The following ART4 variants were observed in gnomAD, a reference collection of about 807,000 sequenced individuals.
ART4 encodes ADP-ribosyltransferase 4 (inactive) (Dombrock blood group).
ART4 carries 14 observed loss-of-function variants against 24.2 expected under a neutral mutation model. The observed-to-expected ratio is 0.58, with a 90% CI of 0.38 to 0.90. The LOEUF (loss-of-function observed/expected upper bound fraction) is 0.90. Ranked by LOEUF, ART4 falls within the 40% of genes least tolerant of loss-of-function variation. ART4 has a pLI of 0.00. For missense variants in ART4, 356 were observed against 366.6 expected, an observed-to-expected ratio of 0.97 and a Z score of 0.24; for synonymous variants, 145 against 139.9, an observed-to-expected ratio of 1.04 and a Z score of -0.26.
At position 14,826,260 on chromosome 12, in the gene ART4, A is replaced by T. The variant is rs1404748453; in HGVS notation, c.*3111T>A. On this transcript the variant is annotated 3_prime_UTR_variant, in exon 3 of 3. Coordinates refer to ENST00000228936, the MANE Select transcript of ART4 (RefSeq NM_021071.4). ...GCTATGTACATTTATCCTTAACCAAACTCATGAATCTACATAATTTTAAGA... is the reference window on the plus strand; with the variant it reads ...GCTATGTACATTTATCCTTAACCAATCTCATGAATCTACATAATTTTAAGA... The T allele has an allele frequency of 6.6e-6, 1 of 152,180 alleles. No individual in the cohort carries two copies. The highest frequency in any genetic ancestry group is 1.9e-4 in the East Asian group (1 of 5,200). The allele number at this position is 152,180 out of a possible 1,614,324, so 9.4% of individuals were successfully genotyped here. A position where few individuals can be genotyped will look rare whatever the true frequency, so the allele number is the denominator to read the frequency against.
At chr12:14,838,385 T>G (rs1950444257) in intron 2 of ART4, among the ~76,000 whole-genome samples, 1 of 152,196 alleles carries the variant, frequency 6.6e-6, no homozygotes, top group Non-Finnish European at 1.5e-5. Context: ...TTACTGTGCT[T>G]ACTATCCTAG....
Position 14,829,449 on chromosome 12 carries a change from T to C in ART4, c.867A>G (p.Lys289=). Residue 289 remains lysine (K), a synonymous_variant, in exon 3 of 3, where the codon AAA becomes AAG. Coordinates refer to ENST00000228936, the MANE Select transcript of ART4 (RefSeq NM_021071.4). Reference sequence around the variant, plus strand: ...CAATAGCTATAGGATCAGGGATGCATTTCTTGCTGGAAGCTGTAAAAAACA... The same window carrying C: ...CAATAGCTATAGGATCAGGGATGCACTTCTTGCTGGAAGCTGTAAAAAACA... The part of the protein sequence containing the change: ...NCQLLKASSK[K]CIPDPIAIAS... 1.9e-6 allele frequency: 3 copies of C among 1,607,092 alleles called. No homozygotes were observed. The highest frequency in any genetic ancestry group is 2.5e-6 in the Non-Finnish European group (3 of 1,177,988).
rs1950462256 is a variant in ART4, at chr12:14,840,637, C to T, written c.661G>A (p.Gly221Arg). The change falls in exon 2 of 3, where the codon GGG (glycine) becomes AGG (arginine). Residue 221 changes from glycine (G) to arginine (R), a missense_variant. Transcript: ENST00000228936. ...SLLKEEAQEF[G>R]NQTLFTIFTC... Reference sequence around the variant, plus strand: ...AATATGGTAAATAGTGTCTGGTTCCCAAACTCCTGTGCCTCTTCTTTCAGG... The same window carrying T: ...AATATGGTAAATAGTGTCTGGTTCCTAAACTCCTGTGCCTCTTCTTTCAGG... 1.9e-6 allele frequency: 3 copies of T among 1,613,974 alleles called. No homozygotes were observed. Among genetic ancestry groups the T allele is most frequent in the East Asian group, 4.5e-5 (2 of 44,882 alleles).
Position 14,836,076 on chromosome 12 carries a change from C to CAT in ART4, c.853+4367_853+4368dup, listed in dbSNP as rs149334373. 1.2e-3 allele frequency among the ~76,000 whole-genome samples: 175 copies of CAT among 150,790 alleles called. 2 individuals are homozygous for CAT. Among genetic ancestry groups the CAT allele is most frequent in the South Asian group, 6.3e-3 (30 of 4,766 alleles). ...TTTCATATGTGTATGTATGTATATACATATATATATATATCATCAATGATA... is the reference window on the plus strand; with the variant it reads ...TTTCATATGTGTATGTATGTATATACATATATATATATATATCATCAATGATA... On this transcript the variant is annotated intron_variant, in intron 2 of 2. Transcript: ENST00000228936.
chr12:14,837,650 A>G (rs2137302283), intron 2 of ART4, among the ~76,000 whole-genome samples: 1 of 152,200 alleles, frequency 6.6e-6, no homozygotes, highest in East Asian at 1.9e-4. Context: ...AGTAGCTGGG[A>G]CTGCATGTAT....
intron 2 of ART4, among the ~76,000 whole-genome samples, chr12:14,833,010 T>A (rs1420065519): frequency 2.0e-5 from 3 of 152,170 alleles, no homozygotes; most frequent in Non-Finnish European, 4.4e-5. Flanking sequence ...ACCTCACATT[T>A]TTTTTACTTT....
chr12:14,829,364 G>A lies in ART4; in HGVS notation c.*7C>T. The A allele has an allele frequency of 6.6e-7, 1 of 1,525,654 alleles. No homozygotes were observed. Among genetic ancestry groups the A allele is most frequent in the East Asian group, 2.3e-5 (1 of 42,884 alleles). The allele number at this position is 1,525,654 out of a possible 1,614,324, so 94.5% of individuals were successfully genotyped here. The stretch of plus-strand genomic sequence containing the variant: ...TTTTTTTAAATAAAAGGAGCCACAA[G>A]ATTTCTTTATACTCTGCTTTTGGAA... On this transcript the variant is annotated 3_prime_UTR_variant, in exon 3 of 3. Coordinates refer to ENST00000228936, the MANE Select transcript of ART4 (RefSeq NM_021071.4).
rs988505890 is a variant in ART4 at position 14,825,860 on chromosome 12, T to A, written c.*3511A>T. ...AACACCTTGTTATAAAAATAAAGTA[T>A]TACATGGGTTGAGTGTTTTTACTTT... On this transcript the variant is annotated 3_prime_UTR_variant, in exon 3 of 3. Transcript: ENST00000228936. 6.6e-6 allele frequency: 1 copy of A among 152,212 alleles called. No homozygotes were observed. Among genetic ancestry groups the A allele is most frequent in the Non-Finnish European group, 1.5e-5 (1 of 68,032 alleles). 9.4% of individuals were successfully genotyped at this position (152,212 alleles called of 1,614,324 possible). A position where few individuals can be genotyped will look rare whatever the true frequency, so the allele number is the denominator to read the frequency against.
Position 14,829,447 on chromosome 12 carries a change from C to T in ART4, c.869G>A (p.Cys290Tyr). Residue 290 changes from cysteine to tyrosine, a missense_variant, in exon 3 of 3, where the codon TGC (cysteine) becomes TAC (tyrosine). By Grantham distance (194) the Cys-to-Tyr change is radical. Transcript: ENST00000228936. ...TGCAATAGCTATAGGATCAGGGATG[C>T]ATTTCTTGCTGGAAGCTGTAAAAAA... Reference protein sequence around the residue: ...CQLLKASSKKCIPDPIAIASL... With the variant: ...CQLLKASSKKYIPDPIAIASL... 1 of 1,606,516 alleles carries T rather than the reference C, an allele frequency of 6.2e-7. No homozygotes were observed. Among genetic ancestry groups the T allele is most frequent in the Non-Finnish European group, 8.5e-7 (1 of 1,177,776 alleles).
chr12:14,834,142 T>C (rs562367407), intron 2 of ART4, among the ~76,000 whole-genome samples: 2 of 152,276 alleles, frequency 1.3e-5, no homozygotes, highest in Admixed American at 1.3e-4. Flanking sequence ...TTGCACAAGG[T>C]CACCTAGCTA....
At chr12:14,834,710 C>T (rs541521058) in intron 2 of ART4, among the ~76,000 whole-genome samples, 1 of 152,274 alleles carries the variant, frequency 6.6e-6, no homozygotes, top group African/African-American at 2.4e-5. Flanking sequence ...GGGCAAATAA[C>T]TAACATTCTG....
rs1042910648 is a variant in ART4, at chr12:14,828,321, A to T, written c.*1050T>A. On this transcript the variant is annotated 3_prime_UTR_variant, in exon 3 of 3. Coordinates refer to ENST00000228936, the MANE Select transcript of ART4 (RefSeq NM_021071.4). ...GCCATCAAGTTCTCTATGAATTAAC[A>T]TATGAGTTTAAATTTTAACTTTTGT... 6.6e-6 allele frequency: 1 copy of T among 152,248 alleles called. No individual in the cohort carries two copies. Among genetic ancestry groups the T allele is most frequent in the Non-Finnish European group, 1.5e-5 (1 of 68,036 alleles). 9.4% of individuals were successfully genotyped at this position (152,248 alleles called of 1,614,324 possible).
At chr12:14,837,762 A>G (rs10772810) in intron 2 of ART4, among the ~76,000 whole-genome samples, 51,679 of 151,922 alleles carry the variant, frequency 0.34, 9,331 homozygotes, top group Middle Eastern at 0.39. Context: ...TGATCCACCC[A>G]CCTCGGCCTC....
rs371358975 is a variant in ART4 at position 14,840,434 on chromosome 12, A to G, written c.853+11T>C. ...GTGATCCTGAGTGGCCTCAATTTAG[A>G]TAAAGAATACCTTTTAGCAGCTGAC... On this transcript the variant is annotated intron_variant, in intron 2 of 2. Coordinates refer to ENST00000228936, the MANE Select transcript of ART4 (RefSeq NM_021071.4). 20 of 1,582,038 alleles carry G rather than the reference A, an allele frequency of 1.3e-5. No individual in the cohort carries two copies. The East Asian group carries it at 2.2e-4, about 18-fold the overall frequency.
chr12:14,830,154 G>T (rs1950385008), intron 2 of ART4, among the ~76,000 whole-genome samples: 2 of 146,518 alleles, frequency 1.4e-5, no homozygotes, highest in Non-Finnish European at 3.0e-5. Context: ...GTGTGTGTGT[G>T]TTCTAACTAC....
chr12:14,840,702 C>T lies in ART4; in HGVS notation c.596G>A (p.Gly199Glu), dbSNP rs1950463587. 2 of 1,613,980 alleles carry T rather than the reference C, an allele frequency of 1.2e-6. No homozygotes were observed. Among genetic ancestry groups the T allele is most frequent in the African/African-American group, 2.7e-5 (2 of 74,902 alleles). Reference protein sequence around the residue: ...TKDVHFNAYTGATIRFGQFLS... With the variant: ...TKDVHFNAYTEATIRFGQFLS... ...GAATTGGCCAAATCGAATGGTGGCC[C>T]CTGTGTAGGCATTAAAGTGGACATC... Residue 199 changes from glycine to glutamate, a missense_variant, in exon 2 of 3, where the codon GGG becomes GAG. Gly to Glu is a moderately conservative substitution (Grantham distance 98, BLOSUM62 -2). Transcript: ENST00000228936.
At chr12:14,840,415 C>A in intron 2 of ART4, 30 bp downstream of exon 2, 3 of 1,540,854 alleles carry the variant, frequency 1.9e-6, no homozygotes, top group Non-Finnish European at 2.6e-6. Flanking sequence ...GTCTGTGATC[C>A]TGAGTGGCCT....
chr12:14,836,089 A>C (rs1950429015), intron 2 of ART4, among the ~76,000 whole-genome samples: 1 of 152,110 alleles, frequency 6.6e-6, no homozygotes, highest in Non-Finnish European at 1.5e-5. Context: ...ATATATATAT[A>C]TCATCAATGA....
intron 1 of ART4, 128 bp from the exon 2 acceptor site, chr12:14,841,281 GA>G: frequency 1.3e-6 from 1 of 793,546 alleles, no homozygotes; most frequent in Non-Finnish European, 2.0e-6. Context: ...AAGTTACACT[GA>G]AAATCATTAC....
Sources: gnomAD v4.1 joint callset for allele counts (sites outside exome capture counted in the v4.1 genomes callset) on GRCh38, gnomAD v4.1.1 for gene constraint, MANE v1.5 for transcripts, NCBI Gene and HGNC (gene_info 2026-07-23, HGNC 2026-07-21) for gene names.